NRG3: variants seen among roughly 807,000 people sequenced by gnomAD.
NRG3 encodes pro-neuregulin-3, membrane-bound isoform.
Under a neutral mutation model 66.9 loss-of-function variants are expected in NRG3, and 31 were observed. The ratio of observed to expected loss-of-function variants is 0.46; its 90% confidence interval spans 0.35 to 0.63. The LOEUF is 0.63. NRG3 is among the 20% of genes least tolerant of loss of function. The pLI, the probability that NRG3 is intolerant of heterozygous loss-of-function variation, is 0.00. For synonymous variants in NRG3, 393 were observed against 359.4 expected, an observed-to-expected ratio of 1.09 and a Z score of -1.06; for missense variants, 910 against 878.9, an observed-to-expected ratio of 1.04 and a Z score of -0.45.
chr10:82,946,262 G>A (rs531466148), intron 4 of NRG3, among the ~76,000 whole-genome samples: 13 of 150,852 alleles, frequency 8.6e-5, no homozygotes, highest in Admixed American at 2.0e-4. Flanking sequence ...AGCAGAAGGC[G>A]TGGAGCATTG....
intron 1 of NRG3, among the ~76,000 whole-genome samples, chr10:81,916,490 T>G (rs1293975809): frequency 2.6e-5 from 4 of 152,198 alleles, no homozygotes; most frequent in Admixed American, 2.6e-4. Context: ...CAAGTTACAA[T>G]TATAGGCTAG....
intron 4 of NRG3, among the ~76,000 whole-genome samples, chr10:82,902,438 G>A (rs1844320762): frequency 6.6e-6 from 1 of 151,870 alleles, no homozygotes; most frequent in Non-Finnish European, 1.5e-5. Flanking sequence ...ATAGTCAAGG[G>A]GTCTTTTGTC....
intron 1 of NRG3, among the ~76,000 whole-genome samples, chr10:82,231,808 G>A (rs1272984487): frequency 6.6e-6 from 1 of 152,154 alleles, no homozygotes; most frequent in African/African-American, 2.4e-5. Flanking sequence ...ACATATCATT[G>A]TGTTTTTCTC....
intron 3 of NRG3, among the ~76,000 whole-genome samples, chr10:82,750,799 A>T (rs1406524265): frequency 6.6e-6 from 1 of 152,152 alleles, no homozygotes; most frequent in African/African-American, 2.4e-5. Flanking sequence ...TGCAATAGGA[A>T]ACTTTTTAAT....
intron 2 of NRG3, among the ~76,000 whole-genome samples, chr10:82,669,938 A>G (rs969378286): frequency 1.3e-5 from 2 of 152,084 alleles, no homozygotes; most frequent in Admixed American, 6.6e-5. Context: ...AAAAAAAAAA[A>G]AAGAAAACAA....
Position 82,615,133 on chromosome 10 carries a change from A to G in NRG3, c.954-123444A>G, listed in dbSNP as rs1039642889. ...CTAGTACCTTCTTCAAATGCTTGTT[A>G]ATTACCTATCACATAAAAGTCCTAA... On this transcript the variant is annotated intron_variant, in intron 2 of 8. Coordinates refer to ENST00000372141, the MANE Select transcript of NRG3 (RefSeq NM_001010848.4). Among the ~76,000 whole-genome samples the G allele has an allele frequency of 2.0e-5, 3 of 152,200 alleles. No homozygotes were observed. The South Asian group carries it at 6.2e-4, about 31-fold the overall frequency.
chr10:82,841,144 G>A (rs2063036974), intron 3 of NRG3, among the ~76,000 whole-genome samples: 1 of 152,060 alleles, frequency 6.6e-6, no homozygotes, highest in South Asian at 2.1e-4. Context: ...CAAAAGCCCA[G>A]GAACACAAAG....
chr10:82,236,113 C>T (rs12240698), intron 1 of NRG3, among the ~76,000 whole-genome samples: 18,217 of 152,164 alleles, frequency 0.12, 1,186 homozygotes, highest in East Asian at 0.23. Context: ...TGTACTTTTA[C>T]AGTCAGTCGT....
intron 1 of NRG3, 78 bp from the exon 2 acceptor site, chr10:82,358,661 G>T: frequency 6.3e-7 from 1 of 1,596,464 alleles, no homozygotes; most frequent in South Asian, 1.1e-5. Context: ...TCCATACAGA[G>T]ATCCAGAGCC....
intron 2 of NRG3, among the ~76,000 whole-genome samples, chr10:82,406,864 G>A (rs973059602): frequency 2.6e-5 from 4 of 152,008 alleles, no homozygotes; most frequent in African/African-American, 9.7e-5. Flanking sequence ...TTTCTGTTAC[G>A]ACTATTCTCT....
At chr10:82,193,435 G>A (rs2074272409) in intron 1 of NRG3, among the ~76,000 whole-genome samples, 1 of 152,184 alleles carries the variant, frequency 6.6e-6, no homozygotes, top group African/African-American at 2.4e-5. Flanking sequence ...GAGCTACAAT[G>A]CCAGACCTTG....
intron 1 of NRG3, among the ~76,000 whole-genome samples, chr10:82,242,007 G>A (rs1175791887): frequency 6.6e-6 from 1 of 151,992 alleles, no homozygotes; most frequent in Non-Finnish European, 1.5e-5. Flanking sequence ...ATATTAACAT[G>A]TTTCTTCTAA....
At chr10:82,636,989 A>C (rs1029861676) in intron 2 of NRG3, among the ~76,000 whole-genome samples, 2 of 152,234 alleles carry the variant, frequency 1.3e-5, no homozygotes, top group South Asian at 2.1e-4. Context: ...AAAGATACAA[A>C]GTACAACATG....
At position 82,422,469 on chromosome 10, in the gene NRG3, TC is replaced by T. The variant is rs1259757580; in HGVS notation, c.953+63603del. On this transcript the variant is annotated intron_variant, in intron 2 of 8. Transcript: ENST00000372141. ...CTCAGAGAACTTTATAATTGTAGTA[TC>T]CTTTTCTACACACTTTGCAAAATGT... 7.9e-5 allele frequency among the ~76,000 whole-genome samples: 12 copies of T among 152,084 alleles called. No individual in the cohort carries two copies. In the East Asian group the frequency reaches 2.3e-3, roughly 29 times the overall value.
At chr10:82,913,429 CAT>C (rs1333315626) in intron 4 of NRG3, among the ~76,000 whole-genome samples, 1 of 152,064 alleles carries the variant, frequency 6.6e-6, no homozygotes, top group Non-Finnish European at 1.5e-5. Context: ...GAGTTTCTGA[CAT>C]ATAATTTTCC....
intron 1 of NRG3, among the ~76,000 whole-genome samples, chr10:81,886,220 A>T (rs1842603969): frequency 6.6e-6 from 1 of 152,174 alleles, no homozygotes. Context: ...CTCCATGCCG[A>T]GCAGGTACAG....
At chr10:81,892,980 A>C (rs1362223420) in intron 1 of NRG3, among the ~76,000 whole-genome samples, 1 of 152,160 alleles carries the variant, frequency 6.6e-6, no homozygotes, top group Non-Finnish European at 1.5e-5. Context: ...AAATTAAAAG[A>C]ACACAGCTCT....
chr10:82,085,145 CCT>C (rs1737145762), intron 1 of NRG3, among the ~76,000 whole-genome samples: 1 of 152,120 alleles, frequency 6.6e-6, no homozygotes, highest in African/African-American at 2.4e-5. Flanking sequence ...CCTTTGTCCT[CCT>C]CTCTACATCC....
chr10:82,626,792 G>A (rs140253555), intron 2 of NRG3, among the ~76,000 whole-genome samples: 8 of 152,050 alleles, frequency 5.3e-5, no homozygotes, highest in Non-Finnish European at 7.4e-5. Flanking sequence ...GCAGAGGCCC[G>A]TACAAACCAA....
Sources: gnomAD v4.1 joint callset for allele counts (sites outside exome capture counted in the v4.1 genomes callset) on GRCh38, gnomAD v4.1.1 for gene constraint, MANE v1.5 for transcripts, NCBI Gene and HGNC (gene_info 2026-07-23, HGNC 2026-07-21) for gene names.